Variants in ULK4 observed in about 807,000 individuals in gnomAD.
ULK4 encodes unc-51 like kinase 4, also known as inactive serine/threonine-protein kinase ULK4.
In ULK4, 133 loss-of-function variants were observed where a neutral mutation model predicts 160.6. The observed-to-expected ratio is 0.83, with a 90% confidence interval of 0.72 to 0.96. ULK4 has a LOEUF of 0.96. Ranked by LOEUF, ULK4 falls within the 40% of genes least tolerant of loss-of-function variation. The pLI, the probability that ULK4 is intolerant of heterozygous loss-of-function variation, is 0.00. For synonymous variants in ULK4, 534 were observed against 539.8 expected (o/e 0.99, Z 0.15); for missense variants, 1,580 against 1,499.5 (o/e 1.05, Z -0.89).
intron 35 of ULK4, among the ~76,000 whole-genome samples, chr3:41,261,384 C>T (rs2078938483): frequency 1.3e-5 from 2 of 152,260 alleles, no homozygotes; most frequent in Admixed American, 6.5e-5. Context: ...TGTGACTTGT[C>T]CAAGGTCAGC....
intron 22 of ULK4, among the ~76,000 whole-genome samples, chr3:41,728,650 A>C (rs1421577924): frequency 1.3e-5 from 2 of 152,176 alleles, no homozygotes; most frequent in African/African-American, 4.8e-5. Context: ...TGAGATTATG[A>C]GAGAGGAAAC....
chr3:41,806,405 A>C (rs1001522480), intron 19 of ULK4, among the ~76,000 whole-genome samples: 1 of 152,114 alleles, frequency 6.6e-6, no homozygotes, highest in African/African-American at 2.4e-5. Context: ...CTAGTGGTCT[A>C]TCAGTTTTGT....
intron 30 of ULK4, among the ~76,000 whole-genome samples, chr3:41,660,227 G>A (rs753517805): frequency 3.9e-5 from 6 of 152,188 alleles, no homozygotes; most frequent in South Asian, 2.1e-4. Context: ...CCCAGGAAGC[G>A]GAGGTTGTGA....
At chr3:41,941,682 G>A (rs982601638) in intron 2 of ULK4, among the ~76,000 whole-genome samples, 2 of 132,606 alleles carry the variant, frequency 1.5e-5, no homozygotes, top group African/African-American at 2.6e-5. Flanking sequence ...CATTGAGCCC[G>A]GGAAGTCAAG....
At chr3:41,897,557 A>C (rs1307699946) in intron 14 of ULK4, among the ~76,000 whole-genome samples, 2 of 152,200 alleles carry the variant, frequency 1.3e-5, no homozygotes, top group Non-Finnish European at 2.9e-5. Context: ...TTTAGACAAA[A>C]TAAATTGTAA....
chr3:41,772,882 G>A (rs1184279202), intron 21 of ULK4, among the ~76,000 whole-genome samples: 1 of 152,096 alleles, frequency 6.6e-6, no homozygotes, highest in South Asian at 2.1e-4. Context: ...ATGATCAAGT[G>A]GGCTTCATCC....
intron 35 of ULK4, among the ~76,000 whole-genome samples, chr3:41,280,754 GAAGC>G (rs1168676094): frequency 6.6e-6 from 1 of 152,028 alleles, no homozygotes; most frequent in African/African-American, 2.4e-5. Flanking sequence ...AAGAAATAGA[GAAGC>G]AAGAGCAAAC....
chr3:41,297,735 T>C (rs1379613503), intron 35 of ULK4, among the ~76,000 whole-genome samples: 2 of 152,214 alleles, frequency 1.3e-5, no homozygotes, highest in Non-Finnish European at 2.9e-5. Context: ...ATGCTTTCTA[T>C]GGCCCACTGC....
intron 35 of ULK4, among the ~76,000 whole-genome samples, chr3:41,305,588 C>T (rs544239747): frequency 7.5e-4 from 114 of 152,320 alleles, no homozygotes; most frequent in African/African-American, 2.7e-3. Flanking sequence ...ACCTCCCAGC[C>T]GCCTGCCTTG....
chr3:41,524,702 G>A (rs1170593807), intron 32 of ULK4, among the ~76,000 whole-genome samples: 2 of 152,124 alleles, frequency 1.3e-5, no homozygotes, highest in East Asian at 1.9e-4. Flanking sequence ...CACTTTGGGA[G>A]GCTGAGGTGG....
At chr3:41,575,611 G>A (rs2088161970) in intron 31 of ULK4, among the ~76,000 whole-genome samples, 1 of 152,214 alleles carries the variant, frequency 6.6e-6, no homozygotes, top group African/African-American at 2.4e-5. Flanking sequence ...AAATTTGACT[G>A]ACAGATACAG....
chr3:41,719,338 A>G (rs1230852494), intron 22 of ULK4, among the ~76,000 whole-genome samples: 1 of 152,194 alleles, frequency 6.6e-6, no homozygotes. Context: ...CTATACAGAT[A>G]TCTTCCAATT....
At chr3:41,827,856 T>C (rs1559586978) in intron 18 of ULK4, among the ~76,000 whole-genome samples, 1 of 151,852 alleles carries the variant, frequency 6.6e-6, no homozygotes, top group African/African-American at 2.4e-5. Flanking sequence ...AAAAAGAGAA[T>C]TTTAGACCAA....
chr3:41,645,868 G>A (rs1406287663), intron 30 of ULK4, among the ~76,000 whole-genome samples: 1 of 152,158 alleles, frequency 6.6e-6, no homozygotes, highest in Non-Finnish European at 1.5e-5. Context: ...TTATGAATCT[G>A]GGTGCTCCTT....
At chr3:41,640,163 T>C (rs1194252976) in intron 30 of ULK4, among the ~76,000 whole-genome samples, 2 of 152,202 alleles carry the variant, frequency 1.3e-5, no homozygotes, top group African/African-American at 2.4e-5. Flanking sequence ...CCATTTCTAT[T>C]GGCATACAGG....
intron 35 of ULK4, among the ~76,000 whole-genome samples, chr3:41,298,496 A>C (rs1475662438): frequency 6.6e-6 from 1 of 152,318 alleles, no homozygotes; most frequent in East Asian, 1.9e-4. Context: ...AAACATTGAA[A>C]TCTTCCTATT....
At position 41,747,686 on chromosome 3, in the gene ULK4, C is replaced by G. The variant is rs373587460; in HGVS notation, c.2321+6675G>C. Among the ~76,000 whole-genome samples, 106 of 152,124 alleles carry G rather than the reference C, an allele frequency of 7.0e-4. 1 individual carries two copies. The South Asian group carries it at 0.02, about 29-fold the overall frequency. ...GGCTAAATGACACCATGTGGGGGGG[C>G]ACCTAATCCAGCAGCAATGGTGTCC... On this transcript the variant is annotated intron_variant, in intron 22 of 36. Coordinates refer to ENST00000301831, the MANE Select transcript of ULK4 (RefSeq NM_017886.4).
At chr3:41,551,091 T>A (rs1396727942) in intron 32 of ULK4, among the ~76,000 whole-genome samples, 1 of 151,094 alleles carries the variant, frequency 6.6e-6, no homozygotes, top group Non-Finnish European at 1.5e-5. Context: ...AAACAAATGA[T>A]AATTGAAATA....
chr3:41,309,258 A>G (rs190645346), intron 35 of ULK4, among the ~76,000 whole-genome samples: 1 of 152,266 alleles, frequency 6.6e-6, no homozygotes, highest in African/African-American at 2.4e-5. Flanking sequence ...GCAGGAAGCA[A>G]CATTCTCTAG....
Sources: gnomAD v4.1 joint callset for allele counts (sites outside exome capture counted in the v4.1 genomes callset) on GRCh38, gnomAD v4.1.1 for gene constraint, MANE v1.5 for transcripts, NCBI Gene and HGNC (gene_info 2026-07-23, HGNC 2026-07-21) for gene names.